Variants in ITGBL1 observed in about 807,000 individuals in gnomAD.
ITGBL1 encodes integrin beta-like protein 1.
Under a neutral mutation model 68.5 loss-of-function variants are expected in ITGBL1, and 51 were observed. The observed-to-expected ratio is 0.74, with a 90% CI of 0.59 to 0.94. The LOEUF is 0.94. ITGBL1 is among the 40% of genes least tolerant of loss of function. ITGBL1 has a pLI of 0.00. For synonymous variants in ITGBL1, 209 were observed against 227.3 expected (o/e 0.92, Z 0.72); for missense variants, 649 against 647.4 (o/e 1.00, Z -0.03).
chr13:101,563,420 A>C (rs7998130), intron 2 of ITGBL1, among the ~76,000 whole-genome samples: 55,912 of 151,458 alleles, frequency 0.37, 10,793 homozygotes, highest in Non-Finnish European at 0.43. Flanking sequence ...ATCAAGAAAC[A>C]TACAGGACAT....
intron 7 of ITGBL1, among the ~76,000 whole-genome samples, chr13:101,674,791 T>C (rs187044803): frequency 7.9e-4 from 121 of 152,236 alleles, no homozygotes; most frequent in African/African-American, 2.7e-3. Flanking sequence ...TATTCTAGTA[T>C]CATAATATTT....
intron 7 of ITGBL1, among the ~76,000 whole-genome samples, chr13:101,646,762 C>T (rs1360820666): frequency 6.6e-6 from 1 of 151,942 alleles, no homozygotes; most frequent in African/African-American, 2.4e-5. Flanking sequence ...TGCTGAACCA[C>T]ACTAAAACAA....
At chr13:101,488,121 G>A (rs2048725889) in intron 2 of ITGBL1, among the ~76,000 whole-genome samples, 1 of 152,172 alleles carries the variant, frequency 6.6e-6, no homozygotes, top group African/African-American at 2.4e-5. Context: ...TTTTCTTGAA[G>A]GATGTTTGGA....
At chr13:101,717,695 G>C (rs1217706142), downstream of ITGBL1, 2 of 151,954 alleles carry the variant, frequency 1.3e-5, no homozygotes, top group Non-Finnish European at 2.9e-5. Flanking sequence ...ATACTTTAAA[G>C]CTGTAAAAAA....
intron 2 of ITGBL1, among the ~76,000 whole-genome samples, chr13:101,530,722 A>C (rs1194510691): frequency 6.6e-6 from 1 of 152,220 alleles, no homozygotes; most frequent in Non-Finnish European, 1.5e-5. Flanking sequence ...CAAAAAAATT[A>C]ACACACACAT....
chr13:101,701,954 A>G (rs1566797522), intron 8 of ITGBL1, among the ~76,000 whole-genome samples: 1 of 152,192 alleles, frequency 6.6e-6, no homozygotes, highest in African/African-American at 2.4e-5. Context: ...ACTTAATGCT[A>G]CTGAACCATA....
At chr13:101,554,384 C>T (rs2049971954) in intron 2 of ITGBL1, among the ~76,000 whole-genome samples, 3 of 152,196 alleles carry the variant, frequency 2.0e-5, no homozygotes, top group Admixed American at 2.0e-4. Context: ...CAGGGCTTTG[C>T]CACTGTCACC....
chr13:101,472,812 A>G (rs992585922), intron 2 of ITGBL1, among the ~76,000 whole-genome samples: 1 of 152,126 alleles, frequency 6.6e-6, no homozygotes, highest in African/African-American at 2.4e-5. Context: ...TTTTGATTTG[A>G]TGTCCATATT....
At chr13:101,522,611 G>A (rs979743527) in intron 2 of ITGBL1, among the ~76,000 whole-genome samples, 1 of 152,172 alleles carries the variant, frequency 6.6e-6, no homozygotes, top group Non-Finnish European at 1.5e-5. Context: ...AGAAAAATTC[G>A]ATGTGGCTAT....
chr13:101,488,973 G>A (rs1191273457), intron 2 of ITGBL1, among the ~76,000 whole-genome samples: 1 of 152,164 alleles, frequency 6.6e-6, no homozygotes, highest in African/African-American at 2.4e-5. Context: ...TTACCAGTAG[G>A]AGCCAAAACA....
intron 7 of ITGBL1, among the ~76,000 whole-genome samples, chr13:101,655,147 G>T (rs1333292622): frequency 6.6e-6 from 1 of 152,314 alleles, no homozygotes; most frequent in Middle Eastern, 3.4e-3. Flanking sequence ...TTGCTTAAAA[G>T]CAAAGTGTGC....
At chr13:101,568,870 T>A (rs1167707947) in intron 3 of ITGBL1, among the ~76,000 whole-genome samples, 1 of 151,974 alleles carries the variant, frequency 6.6e-6, no homozygotes, top group Non-Finnish European at 1.5e-5. Context: ...CAAAGCGAGG[T>A]GTGAGTGGAT....
At chr13:101,672,476 C>T (rs1335904212) in intron 7 of ITGBL1, among the ~76,000 whole-genome samples, 1 of 152,200 alleles carries the variant, frequency 6.6e-6, no homozygotes, top group Non-Finnish European at 1.5e-5. Context: ...AATGGCAGCT[C>T]CATCCTCTCT....
chr13:101,491,006 G>C (rs541750088), intron 2 of ITGBL1, among the ~76,000 whole-genome samples: 20 of 152,256 alleles, frequency 1.3e-4, no homozygotes, highest in Middle Eastern at 3.4e-3. Flanking sequence ...TGTAATGTCT[G>C]TCTTGGTTTT....
intron 8 of ITGBL1, among the ~76,000 whole-genome samples, chr13:101,706,365 A>T (rs895236772): frequency 6.6e-6 from 1 of 152,218 alleles, no homozygotes; most frequent in Non-Finnish European, 1.5e-5. Context: ...CAATCAATAA[A>T]TACTGCCACC....
At chr13:101,481,147 T>C (rs1052627794) in intron 2 of ITGBL1, among the ~76,000 whole-genome samples, 2 of 104,228 alleles carry the variant, frequency 1.9e-5, no homozygotes, top group African/African-American at 6.8e-5. Context: ...TATATATATG[T>C]ATATATATAT....
chr13:101,587,260 A>G (rs2050572806), intron 6 of ITGBL1, among the ~76,000 whole-genome samples: 1 of 152,228 alleles, frequency 6.6e-6, no homozygotes, highest in Non-Finnish European at 1.5e-5. Flanking sequence ...ATGTTGAAAC[A>G]TGGTCCCTGC....
At chr13:101,582,087 CT>C (rs2050467376) in intron 5 of ITGBL1, among the ~76,000 whole-genome samples, 1 of 152,092 alleles carries the variant, frequency 6.6e-6, no homozygotes, top group South Asian at 2.1e-4. Flanking sequence ...ATGAAATTTC[CT>C]TTTGTTCTTT....
chr13:101,663,004 T>A (rs1361171705), intron 7 of ITGBL1, among the ~76,000 whole-genome samples: 2 of 152,150 alleles, frequency 1.3e-5, no homozygotes, highest in African/African-American at 2.4e-5. Context: ...ACCTCTATAC[T>A]TAACTACTAG....
Sources: gnomAD v4.1 joint callset for allele counts (sites outside exome capture counted in the v4.1 genomes callset) on GRCh38, gnomAD v4.1.1 for gene constraint, MANE v1.5 for transcripts, NCBI Gene and HGNC (gene_info 2026-07-23, HGNC 2026-07-21) for gene names.